The following KDM4C variants were observed in gnomAD, a reference collection of about 807,000 sequenced individuals.
KDM4C encodes lysine-specific demethylase 4C.
Under a neutral mutation model 129.3 loss-of-function variants are expected in KDM4C, and 81 were observed. The ratio of observed to expected loss-of-function variants is 0.63; its 90% CI spans 0.52 to 0.75. The LOEUF (loss-of-function observed/expected upper bound fraction) is 0.75, where lower values mean the gene tolerates loss of function less well. KDM4C is among the 30% of genes least tolerant of loss of function. The probability of loss-of-function intolerance (pLI) is 0.00; values close to 1 mark genes in which losing one functional copy is unlikely to be tolerated. For synonymous variants in KDM4C, 573 were observed against 456.1 expected (o/e 1.26, Z -3.26); for missense variants, 1,457 against 1,304.0 (o/e 1.12, Z -1.81).
chr9:6,882,101 A>G (rs1844540918), intron 6 of KDM4C, among the ~76,000 whole-genome samples: 1 of 152,226 alleles, frequency 6.6e-6, no homozygotes, highest in Non-Finnish European at 1.5e-5. Context: ...GCCTGCATCT[A>G]ATAAAGCCAG....
At chr9:7,010,754 A>G (rs577005791) in intron 12 of KDM4C, among the ~76,000 whole-genome samples, 2 of 152,198 alleles carry the variant, frequency 1.3e-5, no homozygotes, top group African/African-American at 4.8e-5. Context: ...AAAGAAATAT[A>G]CATTTTAGAC....
rs978456885 is a variant in KDM4C at position 6,720,979 on chromosome 9, A to C, written c.31A>C (p.Thr11Pro). Residue 11 changes from threonine (T) to proline (P), a missense_variant, in exon 1 of 18, where the codon ACT becomes CCT. Coordinates refer to the KDM4C transcript ENST00000536108. The stretch of plus-strand genomic sequence containing the variant: ...GCACTATGGGCTGCCCTGGAAGAGG[A>C]CTGAAGAAGCAGCTGCAGGTGAGTG... The C allele has an allele frequency of 3.2e-6, 5 of 1,551,550 alleles. No homozygotes were observed. The African/African-American group carries it at 4.1e-5, about 13-fold the overall frequency.
intron 1 of KDM4C, among the ~76,000 whole-genome samples, chr9:6,768,286 GT>G (rs1821044281): frequency 6.6e-6 from 1 of 151,246 alleles, no homozygotes; most frequent in Admixed American, 6.6e-5. Flanking sequence ...TGATCACATA[GT>G]TTTTGGTGAC....
chr9:7,123,393 G>C (rs1385959614), intron 18 of KDM4C, among the ~76,000 whole-genome samples: 1 of 152,128 alleles, frequency 6.6e-6, no homozygotes, highest in Non-Finnish European at 1.5e-5. Flanking sequence ...AGAAACCAAA[G>C]AAACAGAACC....
intron 8 of KDM4C, chr9:6,948,324 A>G (rs1380577014): frequency 6.6e-6 from 1 of 152,224 alleles, no homozygotes; most frequent in African/African-American, 2.4e-5. Context: ...ACTCTTAAGC[A>G]GAAATGCAGT....
chr9:6,817,809 C>T (rs1832403399), intron 4 of KDM4C, among the ~76,000 whole-genome samples: 1 of 147,732 alleles, frequency 6.8e-6, no homozygotes, highest in African/African-American at 2.5e-5. Context: ...CTCTGTAGCC[C>T]AGGCTGGAGT....
At chr9:7,057,128 A>G (rs1564056682) in intron 17 of KDM4C, among the ~76,000 whole-genome samples, 2 of 152,212 alleles carry the variant, frequency 1.3e-5, no homozygotes, top group South Asian at 2.1e-4. Context: ...ATATTTTAAT[A>G]TAAATTAGGT....
At chr9:7,025,608 C>T (rs1392458455) in intron 15 of KDM4C, among the ~76,000 whole-genome samples, 14 of 151,508 alleles carry the variant, frequency 9.2e-5, no homozygotes, top group Non-Finnish European at 5.9e-5. Flanking sequence ...CTTAACATTG[C>T]ATAGGCAAAA....
At chr9:6,783,165 C>T (rs552351012) in intron 1 of KDM4C, among the ~76,000 whole-genome samples, 5 of 152,118 alleles carry the variant, frequency 3.3e-5, no homozygotes, top group Non-Finnish European at 5.9e-5. Context: ...TTGTGGTCCT[C>T]TCTGCTTCCC....
intron 15 of KDM4C, among the ~76,000 whole-genome samples, chr9:7,045,856 C>T: frequency 6.6e-6 from 1 of 152,084 alleles, no homozygotes; most frequent in African/African-American, 2.4e-5. Context: ...AAAGTAAAAG[C>T]TATGAAGTTT....
intron 13 of KDM4C, among the ~76,000 whole-genome samples, chr9:7,012,679 A>G (rs1023594297): frequency 2.6e-5 from 4 of 152,160 alleles, no homozygotes; most frequent in Admixed American, 6.5e-5. Flanking sequence ...TATTATACTG[A>G]TAGCACCTCA....
At chr9:6,827,190 T>C (rs945113662) in intron 4 of KDM4C, among the ~76,000 whole-genome samples, 6 of 152,258 alleles carry the variant, frequency 3.9e-5, no homozygotes, top group Non-Finnish European at 5.9e-5. Context: ...TTATAATCAA[T>C]GTCTGCCATT....
chr9:7,064,870 GTGA>G (rs2132728030), intron 17 of KDM4C, among the ~76,000 whole-genome samples: 1 of 152,304 alleles, frequency 6.6e-6, no homozygotes. Flanking sequence ...CATTTGGCCA[GTGA>G]TGATAATGTA....
intron 6 of KDM4C, 151 bp from the exon 7 acceptor site, chr9:6,887,809 T>G: frequency 1.9e-6 from 1 of 518,516 alleles, no homozygotes; most frequent in South Asian, 2.5e-5. Context: ...TAACTCTGAC[T>G]CTGAGTTTTA....
intron 15 of KDM4C, among the ~76,000 whole-genome samples, chr9:7,024,478 C>G (rs1189266565): frequency 2.0e-5 from 3 of 151,542 alleles, no homozygotes; most frequent in Non-Finnish European, 4.4e-5. Context: ...TGCTATCCCT[C>G]CCCCGTCCCC....
intron 8 of KDM4C, chr9:6,925,542 C>T (rs1176421793): frequency 4.2e-6 from 4 of 953,362 alleles, no homozygotes; most frequent in African/African-American, 3.5e-5. Flanking sequence ...GCAGTCCTCC[C>T]ACCTTGGCCT....
At chr9:7,152,507 A>G (rs772085103) in intron 19 of KDM4C, among the ~76,000 whole-genome samples, 2 of 152,224 alleles carry the variant, frequency 1.3e-5, no homozygotes, top group Non-Finnish European at 2.9e-5. Context: ...AAATTCTCAG[A>G]GACAGAAAGG....
chr9:6,920,845 C>T (rs1425041736), intron 8 of KDM4C, among the ~76,000 whole-genome samples: 1 of 152,006 alleles, frequency 6.6e-6, no homozygotes, highest in Non-Finnish European at 1.5e-5. Context: ...GGGACTGGGG[C>T]CAGGAGGAAG....
At chr9:6,782,468 T>G (rs1254503626) in intron 1 of KDM4C, among the ~76,000 whole-genome samples, 8 of 152,206 alleles carry the variant, frequency 5.3e-5, no homozygotes, top group Admixed American at 5.2e-4. Context: ...ATGGTCCCTC[T>G]CTCAATGGAG....
Sources: gnomAD v4.1 joint callset for allele counts (sites outside exome capture counted in the v4.1 genomes callset) on GRCh38, gnomAD v4.1.1 for gene constraint, MANE v1.5 for transcripts, NCBI Gene and HGNC (gene_info 2026-07-23, HGNC 2026-07-21) for gene names.